NELL2: variants seen among roughly 807,000 people sequenced by gnomAD.
NELL2 encodes the protein neural EGFL like 2.
A neutral mutation model predicts 109.6 loss-of-function variants in NELL2; 41 were observed. That is an observed-to-expected ratio of 0.37 (90% CI 0.29 to 0.49). The LOEUF (loss-of-function observed/expected upper bound fraction) is 0.49. Among genes scored for constraint, NELL2 ranks in the 20% least tolerant of loss-of-function variants. NELL2 has a pLI of 0.98. For missense variants in NELL2, 900 were observed against 1,008.3 expected, an observed-to-expected ratio of 0.89 and a Z score of 1.45; for synonymous variants, 355 against 344.7, an observed-to-expected ratio of 1.03 and a Z score of -0.33.
At chr12:44,856,022 G>A (rs967422036) in intron 2 of NELL2, among the ~76,000 whole-genome samples, 2 of 152,156 alleles carry the variant, frequency 1.3e-5, no homozygotes, top group African/African-American at 4.8e-5. Flanking sequence ...AATCATATTT[G>A]TCATGAACAA....
chr12:44,698,029 T>TCTTCATGTTCACCTGATAA (rs1227785992), intron 12 of NELL2, among the ~76,000 whole-genome samples: 1 of 152,192 alleles, frequency 6.6e-6, no homozygotes, highest in Non-Finnish European at 1.5e-5. Context: ...CTGATCTCTG[T>TCTTCATGTTCACCTGATAA]CTTCATGTTC....
intron 9 of NELL2, among the ~76,000 whole-genome samples, chr12:44,745,037 C>T (rs578069271): frequency 2.5e-4 from 38 of 152,260 alleles, no homozygotes; most frequent in African/African-American, 8.9e-4. Context: ...TGATGAACAT[C>T]AATGCGAAAA....
At chr12:44,864,366 G>A (rs760027173) in intron 2 of NELL2, among the ~76,000 whole-genome samples, 1 of 151,898 alleles carries the variant, frequency 6.6e-6, no homozygotes, top group Non-Finnish European at 1.5e-5. Flanking sequence ...GACAGAAAGT[G>A]AAGGAATAAA....
chr12:44,523,675 A>T (rs901527885), intron 16 of NELL2, 191 bp from the exon 17 acceptor site: 1 of 577,160 alleles, frequency 1.7e-6, no homozygotes, highest in African/African-American at 1.9e-5. Context: ...GGAAAATATT[A>T]TCATGTTTGA....
intron 15 of NELL2, among the ~76,000 whole-genome samples, chr12:44,606,452 T>C (rs1945403289): frequency 6.6e-6 from 1 of 152,156 alleles, no homozygotes; most frequent in African/African-American, 2.4e-5. Context: ...TATTGGAACC[T>C]ACTGAACCCA....
intron 19 of NELL2, among the ~76,000 whole-genome samples, chr12:44,511,293 C>T (rs1355415682): frequency 6.6e-6 from 1 of 152,160 alleles, no homozygotes; most frequent in East Asian, 1.9e-4. Flanking sequence ...TTATATAAGA[C>T]TAACCCTCCT....
intron 1 of NELL2, among the ~76,000 whole-genome samples, chr12:44,902,025 C>T (rs1945666397): frequency 1.3e-5 from 2 of 152,132 alleles, no homozygotes; most frequent in South Asian, 4.1e-4. Context: ...CACTCCTATT[C>T]AACATAGTTT....
At chr12:44,789,510 A>C (rs1046122918) in intron 3 of NELL2, among the ~76,000 whole-genome samples, 1 of 152,146 alleles carries the variant, frequency 6.6e-6, no homozygotes, top group African/African-American at 2.4e-5. Flanking sequence ...GACAGAACCT[A>C]CCCAAATGAG....
chr12:44,717,978 C>A (rs117515846), intron 9 of NELL2, among the ~76,000 whole-genome samples: 2 of 152,100 alleles, frequency 1.3e-5, no homozygotes, highest in African/African-American at 4.8e-5. Flanking sequence ...ATGTCTATTA[C>A]GTTAATTCAC....
chr12:44,802,904 G>T (rs924363109), intron 3 of NELL2, among the ~76,000 whole-genome samples: 2 of 151,984 alleles, frequency 1.3e-5, no homozygotes, highest in Non-Finnish European at 2.9e-5. Context: ...AAGGTCTGAT[G>T]AGGATCAGGA....
chr12:44,721,678 A>AATAT (rs1399557610), intron 9 of NELL2, among the ~76,000 whole-genome samples: 17 of 152,232 alleles, frequency 1.1e-4, no homozygotes, highest in African/African-American at 3.1e-4. Context: ...TATAGTGACG[A>AATAT]AGATATTGAA....
intron 1 of NELL2, among the ~76,000 whole-genome samples, chr12:44,898,220 G>A (rs1311749491): frequency 6.6e-6 from 1 of 151,722 alleles, no homozygotes; most frequent in African/African-American, 2.4e-5. Context: ...TGGCTCTGAA[G>A]AGAGCAGCAG....
At chr12:44,785,334 G>A (rs906270540) in intron 3 of NELL2, among the ~76,000 whole-genome samples, 16 of 152,070 alleles carry the variant, frequency 1.1e-4, no homozygotes, top group African/African-American at 3.6e-4. Context: ...GGGATGCGAA[G>A]GACCTCTTCA....
intron 3 of NELL2, among the ~76,000 whole-genome samples, chr12:44,792,067 G>A (rs887671160): frequency 2.6e-5 from 4 of 152,234 alleles, no homozygotes; most frequent in East Asian, 1.9e-4. Context: ...GCCTCGTGAC[G>A]AGGATGGTGC....
intron 2 of NELL2, among the ~76,000 whole-genome samples, chr12:44,840,860 A>G (rs1441875024): frequency 2.0e-5 from 3 of 152,224 alleles, no homozygotes; most frequent in Admixed American, 2.0e-4. Flanking sequence ...GGTCAAATAC[A>G]TGGAGAAGTG....
At chr12:44,596,325 A>G (rs1944961595) in intron 15 of NELL2, among the ~76,000 whole-genome samples, 1 of 152,250 alleles carries the variant, frequency 6.6e-6, no homozygotes, top group Admixed American at 6.5e-5. Flanking sequence ...GCCAAATATC[A>G]GAACAGAAAG....
chr12:44,876,356 G>T, upstream of NELL2: 3 of 1,213,746 alleles, frequency 2.5e-6, no homozygotes, highest in Non-Finnish European at 1.0e-6. Flanking sequence ...CTGCTCCTCC[G>T]GGGAGGGAGG....
chr12:44,829,903 A>C (rs1943833898), intron 2 of NELL2, among the ~76,000 whole-genome samples: 1 of 152,174 alleles, frequency 6.6e-6, no homozygotes, highest in South Asian at 2.1e-4. Flanking sequence ...CTAAAATGAA[A>C]GCTGAATCAC....
At chr12:44,682,704 G>C (rs552057276) in intron 12 of NELL2, among the ~76,000 whole-genome samples, 2 of 152,252 alleles carry the variant, frequency 1.3e-5, no homozygotes, top group Admixed American at 1.3e-4. Flanking sequence ...GTTTTTGTCA[G>C]GTTTGTCAAA....
Sources: gnomAD v4.1 joint callset for allele counts (sites outside exome capture counted in the v4.1 genomes callset) on GRCh38, gnomAD v4.1.1 for gene constraint, MANE v1.5 for transcripts, NCBI Gene and HGNC (gene_info 2026-07-23, HGNC 2026-07-21) for gene names.